Variants in HTR2A observed in about 807,000 individuals in gnomAD.
HTR2A encodes the protein 5-hydroxytryptamine receptor 2A.
HTR2A carries 14 observed loss-of-function variants against 31.0 expected under a neutral mutation model. That is an observed-to-expected ratio of 0.45 (90% CI 0.30 to 0.71). The LOEUF (loss-of-function observed/expected upper bound fraction) is 0.71, where lower values mean the gene tolerates loss of function less well. HTR2A is among the 30% of genes least tolerant of loss of function. The pLI, the probability that HTR2A is intolerant of heterozygous loss-of-function variation, is 0.09. For missense variants in HTR2A, 442 were observed against 573.3 expected, an observed-to-expected ratio of 0.77 and a Z score of 2.34; for synonymous variants, 209 against 225.2, an observed-to-expected ratio of 0.93 and a Z score of 0.64.
chr13:46,835,328 T>A lies in HTR2A; in HGVS notation c.925A>T (p.Arg309Trp). ...IHREPGSYTG[R>W]RTMQSISNEQ... ...TTGCTGATGGACTGCATAGTCCTCC[T>A]GCCTGTGTAGGACCCTGGCTCCCTA... The change falls in exon 4 of 4, where the codon AGG (arginine) becomes TGG (tryptophan). Residue 309 changes from arginine to tryptophan, a missense_variant. By Grantham distance (101) the Arg-to-Trp change is moderately radical. Coordinates refer to ENST00000542664, the MANE Select transcript of HTR2A (RefSeq NM_000621.5). The A allele has an allele frequency of 1.2e-6, 2 of 1,614,074 alleles. No homozygotes were observed. The highest frequency in any genetic ancestry group is 1.7e-6 in the Non-Finnish European group (2 of 1,179,936).
Position 46,831,903 on chromosome 13 carries a change from A to G in HTR2A, c.*2934T>C, listed in dbSNP as rs902871955. 1.3e-5 allele frequency: 2 copies of G among 152,226 alleles called. No homozygotes were observed. Among genetic ancestry groups the G allele is most frequent in the Non-Finnish European group, 1.5e-5 (1 of 68,034 alleles). The allele number at this position is 152,226 out of a possible 1,614,324, so 9.4% of individuals were successfully genotyped here. On this transcript the variant is annotated 3_prime_UTR_variant, in exon 4 of 4. Coordinates refer to ENST00000542664, the MANE Select transcript of HTR2A (RefSeq NM_000621.5). ...CTATCATTCAACTTAAAGTAGAGCA[A>G]GGTTTGTTACTCCGTTTTAATAGTA...
intron 3 of HTR2A, among the ~76,000 whole-genome samples, chr13:46,858,435 G>A (rs1462609410): frequency 6.6e-6 from 1 of 152,114 alleles, no homozygotes; most frequent in Non-Finnish European, 1.5e-5. Flanking sequence ...GGAATTGCAG[G>A]TAGTACAGAG....
intron 3 of HTR2A, among the ~76,000 whole-genome samples, chr13:46,876,404 ATTTTTTTTT>A (rs1156826300): frequency 1.4e-5 from 1 of 71,282 alleles, no homozygotes; most frequent in African/African-American, 5.0e-5. Context: ...ATATATATAT[ATTTTTTTTT>A]TTTTTTTTTT....
At chr13:46,843,183 A>G (rs1184324415) in intron 3 of HTR2A, among the ~76,000 whole-genome samples, 1 of 152,212 alleles carries the variant, frequency 6.6e-6, no homozygotes, top group Non-Finnish European at 1.5e-5. Context: ...GAATGGCCCC[A>G]AAGTGCAAGA....
intron 3 of HTR2A, among the ~76,000 whole-genome samples, chr13:46,873,327 T>C (rs1409656307): frequency 6.6e-6 from 1 of 151,566 alleles, no homozygotes; most frequent in East Asian, 1.9e-4. Context: ...ATCAAATAGG[T>C]TCAAAGCGAA....
At chr13:46,841,997 G>T (rs1950601151) in intron 3 of HTR2A, among the ~76,000 whole-genome samples, 1 of 152,122 alleles carries the variant, frequency 6.6e-6, no homozygotes, top group Non-Finnish European at 1.5e-5. Flanking sequence ...GGCAACTTCT[G>T]CTGATCACTA....
chr13:46,892,478 G>C lies in HTR2A; in HGVS notation c.525C>G (p.Val175=). The C allele has an allele frequency of 6.2e-7, 1 of 1,614,220 alleles. No individual in the cohort carries two copies. The highest frequency in any genetic ancestry group is 1.1e-5 in the South Asian group (1 of 91,088). The change falls in exon 3 of 4, where the codon GTC becomes GTG. Residue 175 remains valine (V), a synonymous_variant. Transcript: ENST00000542664. ...TGTGGTGGATGGGATTCTGGATGGC[G>C]ACGTAGCGGTCCAGCGAGATGGCGC... The part of the protein sequence containing the change: ...HLCAISLDRY[V]AIQNPIHHSR...
chr13:46,897,663 C>T (rs36213156), upstream of HTR2A, among the ~76,000 whole-genome samples: 17,307 of 152,130 alleles, frequency 0.11, 1,103 homozygotes, highest in African/African-American at 0.18. Context: ...GGAGGCAGTT[C>T]GATCTCTCTC....
chr13:46,879,625 T>G (rs1271542408), intron 3 of HTR2A, among the ~76,000 whole-genome samples: 1 of 152,178 alleles, frequency 6.6e-6, no homozygotes, highest in Non-Finnish European at 1.5e-5. Context: ...TGCATGATGG[T>G]CTTTTCTTGG....
intron 3 of HTR2A, among the ~76,000 whole-genome samples, chr13:46,853,383 G>A (rs1205533864): frequency 6.6e-5 from 10 of 152,148 alleles, no homozygotes; most frequent in Non-Finnish European, 1.5e-4. Flanking sequence ...GGGCTGGGAG[G>A]AGAAAGAGCT....
chr13:46,854,637 G>C (rs1441230140), intron 3 of HTR2A, among the ~76,000 whole-genome samples: 1 of 152,130 alleles, frequency 6.6e-6, no homozygotes, highest in Non-Finnish European at 1.5e-5. Context: ...CAGTTCTTTT[G>C]AGGCTGAAAG....
chr13:46,832,994 AATATT>A lies in HTR2A; in HGVS notation c.*1838_*1842del, dbSNP rs1350051525. 1 of 152,200 alleles carries A rather than the reference AATATT, an allele frequency of 6.6e-6. No individual in the cohort carries two copies. Among genetic ancestry groups the A allele is most frequent in the African/African-American group, 2.4e-5 (1 of 41,448 alleles). 9.4% of individuals were successfully genotyped at this position (152,200 alleles called of 1,614,324 possible). A position where few individuals can be genotyped will look rare whatever the true frequency, so the allele number is the denominator to read the frequency against. On this transcript the variant is annotated 3_prime_UTR_variant, in exon 4 of 4. Transcript: ENST00000542664. The stretch of plus-strand genomic sequence containing the variant: ...TTCTCTTTAGTAACCATTTCAATGA[AATATT>A]ATAATATCTGCTTTTCTATTAGGGA...
intron 3 of HTR2A, among the ~76,000 whole-genome samples, chr13:46,867,205 C>T (rs530769414): frequency 2.6e-4 from 40 of 152,262 alleles, no homozygotes; most frequent in African/African-American, 9.4e-4. Flanking sequence ...AAGTTTAAGT[C>T]CAGACATAAG....
intron 3 of HTR2A, among the ~76,000 whole-genome samples, chr13:46,845,500 TTTG>T (rs1165161910): frequency 4.6e-5 from 7 of 152,044 alleles, no homozygotes; most frequent in African/African-American, 1.7e-4. Context: ...AGCAATCAGT[TTTG>T]TTCCTTCATC....
intron 3 of HTR2A, among the ~76,000 whole-genome samples, chr13:46,871,890 C>A (rs1950865513): frequency 6.6e-6 from 1 of 152,206 alleles, no homozygotes; most frequent in Non-Finnish European, 1.5e-5. Context: ...AAAGAATTAT[C>A]AAAATGTAAT....
At chr13:46,875,896 C>A (rs1167688063) in intron 3 of HTR2A, among the ~76,000 whole-genome samples, 1 of 152,128 alleles carries the variant, frequency 6.6e-6, no homozygotes, top group Non-Finnish European at 1.5e-5. Context: ...TATGTTATAA[C>A]AGACAATTTT....
At chr13:46,887,025 A>G (rs1455406561) in intron 3 of HTR2A, among the ~76,000 whole-genome samples, 1 of 152,200 alleles carries the variant, frequency 6.6e-6, no homozygotes, top group Non-Finnish European at 1.5e-5. Flanking sequence ...AACTGTGCTT[A>G]CTTTAACTGC....
At chr13:46,894,402 G>T (rs1174987702) in intron 2 of HTR2A, among the ~76,000 whole-genome samples, 1 of 152,222 alleles carries the variant, frequency 6.6e-6, no homozygotes. Flanking sequence ...GCCGGGGAAA[G>T]GGCAGGCAAA....
intron 3 of HTR2A, among the ~76,000 whole-genome samples, chr13:46,859,053 G>A (rs1484076932): frequency 1.3e-5 from 2 of 152,146 alleles, no homozygotes; most frequent in East Asian, 3.8e-4. Flanking sequence ...ATTAAGGCTT[G>A]GAAATCAGTT....
Sources: allele counts gnomAD v4.1 joint callset (sites outside exome capture counted in the v4.1 genomes callset), GRCh38; gene constraint gnomAD v4.1.1; transcripts MANE v1.5; gene names NCBI Gene and HGNC (gene_info 2026-07-23, HGNC 2026-07-21).